ITGA11: variants seen among roughly 807,000 people sequenced by gnomAD.
ITGA11 encodes integrin alpha-11.
ITGA11 carries 97 observed loss-of-function variants against 141.9 expected under a neutral mutation model. That is an observed-to-expected ratio of 0.68 (90% CI 0.58 to 0.81). The LOEUF (loss-of-function observed/expected upper bound fraction) is 0.81. Among genes scored for constraint, ITGA11 ranks in the 30% least tolerant of loss-of-function variants. The pLI, the probability that ITGA11 is intolerant of heterozygous loss-of-function variation, is 0.00. For missense variants in ITGA11, 1,387 were observed against 1,559.2 expected (o/e 0.89, Z 1.86); for synonymous variants, 658 against 624.6 (o/e 1.05, Z -0.80).
chr15:68,324,433 C>T lies in ITGA11; in HGVS notation c.2322+698G>A, dbSNP rs924574631. Among the ~76,000 whole-genome samples, 3 of 152,304 alleles carry T rather than the reference C, an allele frequency of 2.0e-5. No individual in the cohort carries two copies. In the East Asian group the frequency reaches 5.8e-4, roughly 29 times the overall value. On this transcript the variant is annotated intron_variant, in intron 18 of 29. Coordinates refer to ENST00000315757, the MANE Select transcript of ITGA11 (RefSeq NM_001004439.2). This position sits in a 1 kb window ranked among gnomAD's most constrained non-coding sequence, Gnocchi z 6.3. ...GTGCTTAAAAGTTGTTTCCCAAATCCTCAAGGTTCAGGCATTAGCTATTCC... is the reference window on the plus strand; with the variant it reads ...GTGCTTAAAAGTTGTTTCCCAAATCTTCAAGGTTCAGGCATTAGCTATTCC...
intron 1 of ITGA11, among the ~76,000 whole-genome samples, chr15:68,410,888 C>T (rs1211125627): frequency 6.6e-6 from 1 of 152,188 alleles, no homozygotes. Flanking sequence ...CTTGGGGAGC[C>T]CTCTGACTCT....
chr15:68,346,933 G>A (rs997207056), intron 10 of ITGA11, among the ~76,000 whole-genome samples: 80 of 152,276 alleles, frequency 5.3e-4, no homozygotes, highest in African/African-American at 1.8e-3. Context: ...TCCAGGTATT[G>A]TACACTTTTA....
chr15:68,372,389 C>T (rs1223687768), intron 2 of ITGA11, among the ~76,000 whole-genome samples: 3 of 151,984 alleles, frequency 2.0e-5, no homozygotes, highest in Admixed American at 2.0e-4. Context: ...CTACGCCTCT[C>T]GGGGGCTTGA....
At chr15:68,408,132 C>T (rs1003269574) in intron 1 of ITGA11, among the ~76,000 whole-genome samples, 4 of 152,186 alleles carry the variant, frequency 2.6e-5, no homozygotes, top group African/African-American at 7.2e-5. Context: ...TCCAGATGCA[C>T]GTTGCTTCCT....
At chr15:68,316,507 C>T (rs1323985637) in intron 21 of ITGA11, among the ~76,000 whole-genome samples, 2 of 152,208 alleles carry the variant, frequency 1.3e-5, no homozygotes, top group Admixed American at 6.5e-5. Flanking sequence ...CCTGCTCCAT[C>T]CCCACTCCAG....
intron 1 of ITGA11, among the ~76,000 whole-genome samples, chr15:68,423,283 A>T (rs76490568): frequency 0.014 from 2,206 of 152,148 alleles, 57 homozygotes; most frequent in African/African-American, 0.049. Flanking sequence ...CCTTGGAATC[A>T]CACAAGTGGG....
At chr15:68,378,347 G>A (rs1895778795) in intron 2 of ITGA11, among the ~76,000 whole-genome samples, 2 of 152,230 alleles carry the variant, frequency 1.3e-5, no homozygotes, top group South Asian at 4.1e-4. Flanking sequence ...CAGGTGCTTT[G>A]AACAATTTTT....
intron 1 of ITGA11, among the ~76,000 whole-genome samples, chr15:68,420,267 C>G (rs1896985576): frequency 6.6e-6 from 1 of 152,118 alleles, no homozygotes; most frequent in African/African-American, 2.4e-5. Context: ...CTAGGAAGTC[C>G]CATTATATAA....
chr15:68,426,123 A>G (rs1285313048), intron 1 of ITGA11, among the ~76,000 whole-genome samples: 2 of 152,128 alleles, frequency 1.3e-5, no homozygotes, highest in Non-Finnish European at 2.9e-5. Context: ...TTCCAGCCTC[A>G]CCTATTTCAT....
chr15:68,414,313 G>C (rs890978779), intron 1 of ITGA11, among the ~76,000 whole-genome samples: 7 of 152,252 alleles, frequency 4.6e-5, no homozygotes, highest in East Asian at 1.9e-4. Context: ...ATGGTCCCTG[G>C]GGGGACGGGG....
intron 2 of ITGA11, among the ~76,000 whole-genome samples, chr15:68,384,089 C>T (rs1895925735): frequency 6.6e-6 from 1 of 152,046 alleles, no homozygotes; most frequent in Admixed American, 6.6e-5. Context: ...TCCTGCCTTT[C>T]CGAGTTCAGC....
intron 3 of ITGA11, 37 bp from the exon 4 acceptor site, chr15:68,364,835 C>T (rs1895366362): frequency 6.3e-7 from 1 of 1,577,058 alleles, no homozygotes; most frequent in East Asian, 2.2e-5. Context: ...GCAGCCCCCT[C>T]CTGCCCGCCC....
chr15:68,411,407 C>T (rs994487223), intron 1 of ITGA11, among the ~76,000 whole-genome samples: 1 of 152,230 alleles, frequency 6.6e-6, no homozygotes, highest in African/African-American at 2.4e-5. Flanking sequence ...CTGCTCACTA[C>T]AGAACTGATT....
chr15:68,328,348 C>A lies in ITGA11; in HGVS notation c.1902-86G>T. 1 of 1,204,828 alleles carries A rather than the reference C, an allele frequency of 8.3e-7. No individual in the cohort carries two copies. 74.6% of individuals were successfully genotyped at this position (1,204,828 alleles called of 1,614,324 possible). A position where few individuals can be genotyped will look rare whatever the true frequency, so the allele number is the denominator to read the frequency against. On this transcript the variant is annotated intron_variant, in intron 15 of 29. Coordinates refer to ENST00000315757, the MANE Select transcript of ITGA11 (RefSeq NM_001004439.2). This position sits in a 1 kb window ranked among gnomAD's most constrained non-coding sequence, Gnocchi z 4.8. Reference sequence around the variant, plus strand: ...CATGGGGAAAGACAAGAACCAGATGCGAGTGGGATCTGCAAAGCCACTGGA... The same window carrying A: ...CATGGGGAAAGACAAGAACCAGATGAGAGTGGGATCTGCAAAGCCACTGGA...
chr15:68,356,262 A>AT (rs34903160), intron 7 of ITGA11, among the ~76,000 whole-genome samples: 4,320 of 147,532 alleles, frequency 0.029, 190 homozygotes, highest in African/African-American at 0.098. Flanking sequence ...TGCCCGGCTA[A>AT]TTTGTTTTTT....
chr15:68,416,423 A>C (rs974826634), intron 1 of ITGA11, among the ~76,000 whole-genome samples: 2 of 152,174 alleles, frequency 1.3e-5, no homozygotes, highest in African/African-American at 4.8e-5. Flanking sequence ...GGCTGGTGAG[A>C]GCCTCGGCAG....
At chr15:68,337,949 T>G (rs1420715782) in intron 11 of ITGA11, among the ~76,000 whole-genome samples, 2 of 152,124 alleles carry the variant, frequency 1.3e-5, no homozygotes, top group African/African-American at 4.8e-5. Context: ...GGAGACCTGG[T>G]GTAGGCTCCA....
intron 1 of ITGA11, among the ~76,000 whole-genome samples, chr15:68,409,498 T>C (rs1386074798): frequency 6.6e-6 from 1 of 151,852 alleles, no homozygotes; most frequent in African/African-American, 2.4e-5. Context: ...TAGGTAGTAC[T>C]GATACTCTAC....
intron 7 of ITGA11, among the ~76,000 whole-genome samples, chr15:68,354,769 C>T (rs1895019211): frequency 1.3e-5 from 2 of 152,222 alleles, no homozygotes; most frequent in Non-Finnish European, 2.9e-5. Flanking sequence ...ACACTTGTCA[C>T]AGCCCTCCCA....
Sources: gnomAD v4.1 joint callset for allele counts (sites outside exome capture counted in the v4.1 genomes callset) on GRCh38, gnomAD v4.1.1 for gene constraint, Gnocchi (gnomAD v3.1) non-coding constraint, MANE v1.5 for transcripts, NCBI Gene and HGNC (gene_info 2026-07-23, HGNC 2026-07-21) for gene names.